Variants in LHFPL3 observed in about 807,000 individuals in gnomAD.
The protein encoded by LHFPL3 is LHFPL tetraspan subfamily member 3 protein.
LHFPL3 carries 5 observed loss-of-function variants against 19.3 expected under a neutral mutation model. The ratio of observed to expected loss-of-function variants is 0.26; its 90% confidence interval spans 0.14 to 0.54. The LOEUF is 0.54. LHFPL3 is among the 20% of genes least tolerant of loss of function. LHFPL3 has a pLI of 0.94. For synonymous variants in LHFPL3, 133 were observed against 126.2 expected, an observed-to-expected ratio of 1.05 and a Z score of -0.36; for missense variants, 249 against 307.4, an observed-to-expected ratio of 0.81 and a Z score of 1.42.
chr7:104,383,714 A>G (rs918124126), intron 1 of LHFPL3, among the ~76,000 whole-genome samples: 1 of 152,170 alleles, frequency 6.6e-6, no homozygotes. Flanking sequence ...TAAAGGTAAG[A>G]TTGTAGGAAT....
intron 1 of LHFPL3, among the ~76,000 whole-genome samples, chr7:104,430,405 C>CATATATATAT (rs1465027136): frequency 4.5e-5 from 1 of 22,456 alleles, no homozygotes; most frequent in Non-Finnish European, 7.6e-5. Flanking sequence ...TATATATATA[C>CATATATATAT]ATATATATAT....
intron 1 of LHFPL3, among the ~76,000 whole-genome samples, chr7:104,506,018 A>ATT (rs35956092): frequency 2.9e-4 from 42 of 146,028 alleles, no homozygotes; most frequent in African/African-American, 3.0e-4. Context: ...ATGAAAACTG[A>ATT]TTTTTTTTTT....
chr7:104,813,181 G>A (rs1790505967), intron 2 of LHFPL3, among the ~76,000 whole-genome samples: 1 of 152,112 alleles, frequency 6.6e-6, no homozygotes, highest in Non-Finnish European at 1.5e-5. Context: ...GGGAGGCTGA[G>A]GTGGGAGGAT....
intron 2 of LHFPL3, among the ~76,000 whole-genome samples, chr7:104,902,450 GAGA>G (rs1191390098): frequency 1.5e-4 from 22 of 151,498 alleles, no homozygotes; most frequent in Admixed American, 7.2e-4. Context: ...GGGGAGGAGG[GAGA>G]AGAAGAAGAG....
chr7:104,899,104 A>AATATAT (rs34311079), intron 2 of LHFPL3, among the ~76,000 whole-genome samples: 43 of 148,622 alleles, frequency 2.9e-4, no homozygotes, highest in African/African-American at 1.1e-3. Flanking sequence ...CCCCATCTCT[A>AATATAT]ATATATATAT....
intron 2 of LHFPL3, among the ~76,000 whole-genome samples, chr7:104,751,446 G>T (rs1205575418): frequency 6.7e-6 from 1 of 148,282 alleles, no homozygotes; most frequent in Non-Finnish European, 1.5e-5. Flanking sequence ...GCCTCATTTT[G>T]CATTAATGCT....
chr7:104,399,432 GT>G lies in LHFPL3; in HGVS notation c.445+70217del, dbSNP rs34557723. The stretch of plus-strand genomic sequence containing the variant: ...ACCTGGAAATGTACTATGTTCTTCT[GT>G]TTTTTTTTGTTTTTTAGGTTTTTTT... On this transcript the variant is annotated intron_variant, in intron 1 of 2. Coordinates refer to ENST00000424859, the MANE Select transcript of LHFPL3 (RefSeq NM_199000.3). This position sits in a 1 kb window ranked among gnomAD's most constrained non-coding sequence, Gnocchi z 4.4. Among the ~76,000 whole-genome samples the G allele has an allele frequency of 4.0e-5, 6 of 148,546 alleles. No individual in the cohort carries two copies. The highest frequency in any genetic ancestry group is 4.4e-5 in the Non-Finnish European group (3 of 67,526).
intron 1 of LHFPL3, among the ~76,000 whole-genome samples, chr7:104,564,324 A>G (rs778545059): frequency 6.6e-6 from 1 of 152,174 alleles, no homozygotes; most frequent in Non-Finnish European, 1.5e-5. Flanking sequence ...TGATATAGTA[A>G]TACACTTTTA....
At chr7:104,603,918 C>T (rs956482690) in intron 1 of LHFPL3, among the ~76,000 whole-genome samples, 4 of 152,228 alleles carry the variant, frequency 2.6e-5, no homozygotes, top group Admixed American at 2.6e-4. Context: ...TTACTCTACC[C>T]AGTAGCTCTC....
intron 1 of LHFPL3, among the ~76,000 whole-genome samples, chr7:104,552,333 A>G (rs1258756408): frequency 6.6e-6 from 1 of 152,202 alleles, no homozygotes; most frequent in Non-Finnish European, 1.5e-5. Flanking sequence ...GCAGGAATGT[A>G]GCCTTTCTAA....
intron 1 of LHFPL3, among the ~76,000 whole-genome samples, chr7:104,345,882 A>G (rs534075186): frequency 2.2e-4 from 33 of 152,226 alleles, no homozygotes; most frequent in African/African-American, 7.2e-4. Flanking sequence ...ACTCTTTACC[A>G]CTAGTGGTCA....
intron 1 of LHFPL3, among the ~76,000 whole-genome samples, chr7:104,350,109 C>T (rs1352814272): frequency 3.3e-5 from 5 of 152,190 alleles, no homozygotes; most frequent in Admixed American, 3.3e-4. Flanking sequence ...GGAAATATTG[C>T]CCAGGATCAT....
At chr7:104,588,170 T>C (rs1408418156) in intron 1 of LHFPL3, among the ~76,000 whole-genome samples, 1 of 152,212 alleles carries the variant, frequency 6.6e-6, no homozygotes, top group African/African-American at 2.4e-5. Flanking sequence ...CTTTTTGTGT[T>C]TTAGACATGA....
At chr7:104,730,696 G>C (rs150784543) in intron 1 of LHFPL3, among the ~76,000 whole-genome samples, 2 of 152,128 alleles carry the variant, frequency 1.3e-5, no homozygotes, top group South Asian at 4.1e-4. Flanking sequence ...TCTGAAGGTT[G>C]CCTGTTCACT....
intron 1 of LHFPL3, among the ~76,000 whole-genome samples, chr7:104,682,258 G>A (rs1188104458): frequency 6.6e-6 from 1 of 152,150 alleles, no homozygotes; most frequent in Non-Finnish European, 1.5e-5. Flanking sequence ...TGTACAAGCT[G>A]TGAGCCTTTG....
intron 2 of LHFPL3, among the ~76,000 whole-genome samples, chr7:104,880,333 G>C (rs1422380355): frequency 1.3e-5 from 2 of 151,936 alleles, no homozygotes; most frequent in African/African-American, 4.8e-5. Flanking sequence ...ACCAAGATTG[G>C]AAGCCTCCTG....
At chr7:104,600,471 C>A (rs1214979327) in intron 1 of LHFPL3, among the ~76,000 whole-genome samples, 1 of 152,178 alleles carries the variant, frequency 6.6e-6, no homozygotes, top group African/African-American at 2.4e-5. Flanking sequence ...TTTGCTGTCA[C>A]CAGAGCCACT....
At chr7:104,891,030 T>C (rs1243455314) in intron 2 of LHFPL3, among the ~76,000 whole-genome samples, 8 of 151,936 alleles carry the variant, frequency 5.3e-5, no homozygotes, top group Non-Finnish European at 7.4e-5. Flanking sequence ...ACACAACTGT[T>C]GCAGCTATGA....
chr7:104,590,355 T>C (rs962021372), intron 1 of LHFPL3, among the ~76,000 whole-genome samples: 3 of 152,230 alleles, frequency 2.0e-5, no homozygotes, highest in East Asian at 3.8e-4. Flanking sequence ...TATTTCTGCC[T>C]TCATTTCATT....
Sources: allele counts gnomAD v4.1 joint callset (sites outside exome capture counted in the v4.1 genomes callset), GRCh38; gene constraint gnomAD v4.1.1; non-coding constraint Gnocchi (gnomAD v3.1); transcripts MANE v1.5; gene names NCBI Gene and HGNC (gene_info 2026-07-23, HGNC 2026-07-21).